Variants in FOXRED1 observed in about 807,000 individuals in gnomAD.
FOXRED1 encodes the protein FAD-dependent oxidoreductase domain-containing protein 1.
FOXRED1 carries 52 observed loss-of-function variants against 57.8 expected under a neutral mutation model. The observed-to-expected ratio is 0.90, with a 90% CI of 0.72 to 1.13. The LOEUF (loss-of-function observed/expected upper bound fraction) is 1.13. Ranked by LOEUF, FOXRED1 falls within the 50% of genes most tolerant of loss-of-function variation. FOXRED1 has a pLI of 0.00. For missense variants in FOXRED1, 589 were observed against 625.2 expected (o/e 0.94, Z 0.62); for synonymous variants, 271 against 248.3 (o/e 1.09, Z -0.86).
In FOXRED1 at chr11:126,271,897, C is replaced by T. The variant is rs988530805; in HGVS notation, c.306+240C>T. On this transcript the variant is annotated intron_variant, in intron 2 of 10. Transcript: ENST00000263578. The surrounding 1 kb of genome is among the most constrained non-coding windows in gnomAD (Gnocchi z 5.3). Reference sequence around the variant, plus strand: ...GCAGATATCACCATATTGGATTTTTCGAGATCTCATAGCTCTGGTCATGAG... The same window carrying T: ...GCAGATATCACCATATTGGATTTTTTGAGATCTCATAGCTCTGGTCATGAG... 6 of 500,540 alleles carry T rather than the reference C, an allele frequency of 1.2e-5. No homozygotes were observed. Among genetic ancestry groups the T allele is most frequent in the African/African-American group, 3.9e-5 (2 of 51,424 alleles). 31.0% of individuals were successfully genotyped at this position (500,540 alleles called of 1,614,324 possible).
In FOXRED1 at chr11:126,273,129, C is replaced by T; in HGVS notation, c.417+50C>T. ...TTGGGGTGGTTACCCCTCCTTTAGCCCAGAGTGGGGAGCAGCCCAGCTAGC... is the reference window on the plus strand; with the variant it reads ...TTGGGGTGGTTACCCCTCCTTTAGCTCAGAGTGGGGAGCAGCCCAGCTAGC... On this transcript the variant is annotated intron_variant, in intron 3 of 10. Coordinates refer to ENST00000263578, the MANE Select transcript of FOXRED1 (RefSeq NM_017547.4). The surrounding 1 kb of genome is among the most constrained non-coding windows in gnomAD (Gnocchi z 5.9). 1.7e-6 allele frequency: 2 copies of T among 1,158,902 alleles called. No individual in the cohort carries two copies. The highest frequency in any genetic ancestry group is 2.6e-6 in the Non-Finnish European group (2 of 763,914). 71.8% of individuals were successfully genotyped at this position (1,158,902 alleles called of 1,614,324 possible). A position where few individuals can be genotyped will look rare whatever the true frequency, so the allele number is the denominator to read the frequency against.
In FOXRED1 at chr11:126,271,604, C is replaced by T; in HGVS notation, c.253C>T (p.Leu85=). The change falls in exon 2 of 11, where the codon CTG becomes TTG. Residue 85 remains leucine, a synonymous_variant. Coordinates refer to ENST00000263578, the MANE Select transcript of FOXRED1 (RefSeq NM_017547.4). The surrounding 1 kb of genome is among the most constrained non-coding windows in gnomAD (Gnocchi z 5.3). ...GTCTGTGGCCTATTGGCTGAAGAAG[C>T]TGGAGAGCAGACGAGGTGCTATTCG... The part of the protein sequence containing the change: ...GLSVAYWLKK[L]ESRRGAIRVL... The T allele has an allele frequency of 6.2e-7, 1 of 1,614,144 alleles. No homozygotes were observed. The highest frequency in any genetic ancestry group is 8.5e-7 in the Non-Finnish European group (1 of 1,180,026).
rs919045176 is a variant in FOXRED1 at position 126,277,360 on chromosome 11, C to T, written c.1207-75C>T. On this transcript the variant is annotated intron_variant, in intron 10 of 10. Coordinates refer to ENST00000263578, the MANE Select transcript of FOXRED1 (RefSeq NM_017547.4). The surrounding 1 kb of genome is among the most constrained non-coding windows in gnomAD (Gnocchi z 6.8). ...AGCAGCAGGTAGAGGGTACTCTGTG[C>T]TGAGCCCTGAGGGGAGTGAGGATGG... The T allele has an allele frequency of 1.3e-6, 2 of 1,555,952 alleles. No individual in the cohort carries two copies. Among genetic ancestry groups the T allele is most frequent in the Non-Finnish European group, 1.8e-6 (2 of 1,128,962 alleles).
In FOXRED1 at chr11:126,272,989, G is replaced by C. The variant is rs185293323; in HGVS notation, c.327G>C (p.Gly109=). The C allele has an allele frequency of 1.5e-5, 24 of 1,591,036 alleles. No individual in the cohort carries two copies. The highest frequency in any genetic ancestry group is 1.3e-4 in the African/African-American group (10 of 74,608). ...RDHTYSQAST[G]LSVGGICQQF... Reference sequence around the variant, plus strand: ...CACAGTATTCACAGGCCTCCACTGGGCTCTCAGTAGGTGGGATTTGTCAGC... The same window carrying C: ...CACAGTATTCACAGGCCTCCACTGGCCTCTCAGTAGGTGGGATTTGTCAGC... The change falls in exon 3 of 11, where the codon GGG becomes GGC. Residue 109 remains glycine, a synonymous_variant. Transcript: ENST00000263578. This position sits in a 1 kb window ranked among gnomAD's most constrained non-coding sequence, Gnocchi z 4.6.
rs1343214448 is a variant in FOXRED1, at chr11:126,272,210, C to G, written c.306+553C>G. ...CTCCGAACCTCAAGTGATCTGCCCG[C>G]CTTGGCTTCTCAAAGTGCTGGGATT... On this transcript the variant is annotated intron_variant, in intron 2 of 10. Coordinates refer to ENST00000263578, the MANE Select transcript of FOXRED1 (RefSeq NM_017547.4). The surrounding 1 kb of genome is among the most constrained non-coding windows in gnomAD (Gnocchi z 4.6). 1.3e-5 allele frequency among the ~76,000 whole-genome samples: 2 copies of G among 152,204 alleles called. No homozygotes were observed. Among genetic ancestry groups the G allele is most frequent in the Non-Finnish European group, 2.9e-5 (2 of 68,040 alleles).
Position 126,273,159 on chromosome 11 carries a change from T to G in FOXRED1, c.417+80T>G. The G allele has an allele frequency of 9.8e-7, 1 of 1,016,388 alleles. No homozygotes were observed. Among genetic ancestry groups the G allele is most frequent in the East Asian group, 2.4e-5 (1 of 42,248 alleles). The allele number at this position is 1,016,388 out of a possible 1,614,324, so 63.0% of individuals were successfully genotyped here. On this transcript the variant is annotated intron_variant, in intron 3 of 10. Transcript: ENST00000263578. This position sits in a 1 kb window ranked among gnomAD's most constrained non-coding sequence, Gnocchi z 5.9. ...GTGGGGAGCAGCCCAGCTAGCAAGGTAGCCAGAGAGCAAGAATGGGTCAGC... is the reference window on the plus strand; with the variant it reads ...GTGGGGAGCAGCCCAGCTAGCAAGGGAGCCAGAGAGCAAGAATGGGTCAGC...
At chr11:126,276,927 G>C (rs1258972794) in intron 9 of FOXRED1, 144 bp from the exon 10 acceptor site, 2 of 715,384 alleles carry the variant, frequency 2.8e-6, no homozygotes, top group Middle Eastern at 4.7e-4. Flanking sequence ...GCTGTGTGCT[G>C]TGTTAATTGA....
In FOXRED1 at chr11:126,276,193, C is replaced by T. The variant is rs779980682; in HGVS notation, c.945C>T (p.Thr315=). The T allele has an allele frequency of 1.5e-5, 24 of 1,593,694 alleles. No individual in the cohort carries two copies. Among genetic ancestry groups the T allele is most frequent in the Non-Finnish European group, 1.8e-5 (21 of 1,172,846 alleles). Residue 315 remains threonine (T), a synonymous_variant, in exon 8 of 11, where the codon ACC becomes ACT. Coordinates refer to ENST00000263578, the MANE Select transcript of FOXRED1 (RefSeq NM_017547.4). The part of the protein sequence containing the change: ...GEGPPGTLQG[T]KLPVEPRKRY... ...GGCCGCCTGGCACCCTGCAGGGCAC[C>T]AAGCTACCTGTGGAGCCGAGGAAAA...
Position 126,273,249 on chromosome 11 carries a change from CCTGGGGAG to C in FOXRED1, c.418-83_418-76del. ...GGTGCCGCAGGTCTGGGGCACTGAG[CCTGGGGAG>C]CTGTGGGGGAAGAAGGCAGGAAAAC... is the stretch of plus-strand genomic sequence containing the variant. On this transcript the variant is annotated intron_variant, in intron 3 of 10. Coordinates refer to ENST00000263578, the MANE Select transcript of FOXRED1 (RefSeq NM_017547.4). The surrounding 1 kb of genome is among the most constrained non-coding windows in gnomAD (Gnocchi z 5.9). The C allele has an allele frequency of 9.0e-7, 1 of 1,114,270 alleles. No individual in the cohort carries two copies. The highest frequency in any genetic ancestry group is 2.3e-5 in the East Asian group (1 of 42,602). The allele number at this position is 1,114,270 out of a possible 1,614,324, so 69.0% of individuals were successfully genotyped here. A position where few individuals can be genotyped will look rare whatever the true frequency, so the allele number is the denominator to read the frequency against.
intron 9 of FOXRED1, 199 bp from the exon 10 acceptor site, chr11:126,276,872 A>T: frequency 3.6e-6 from 2 of 556,884 alleles, no homozygotes; most frequent in Admixed American, 3.1e-5. Flanking sequence ...GCAAAACTCC[A>T]TCTCAAAAAA....
At position 126,269,167 on chromosome 11, in the gene FOXRED1, C is replaced by T. The variant is rs781500229; in HGVS notation, c.-40C>T. 8 of 1,450,174 alleles carry T rather than the reference C, an allele frequency of 5.5e-6. No homozygotes were observed. Among genetic ancestry groups the T allele is most frequent in the Non-Finnish European group, 7.8e-6 (8 of 1,031,750 alleles). The allele number at this position is 1,450,174 out of a possible 1,614,324, so 89.8% of individuals were successfully genotyped here. ...AGTGACGGCTGCGATAATAGCGAGGCAGCAGTGCAGCTTTCAGAGGGTCCG... is the reference window on the plus strand; with the variant it reads ...AGTGACGGCTGCGATAATAGCGAGGTAGCAGTGCAGCTTTCAGAGGGTCCG... On this transcript the variant is annotated 5_prime_UTR_variant, in exon 1 of 11. Transcript: ENST00000263578.
chr11:126,273,107 G>A lies in FOXRED1; in HGVS notation c.417+28G>A. The A allele has an allele frequency of 7.6e-7, 1 of 1,311,850 alleles. No individual in the cohort carries two copies. 81.3% of individuals were successfully genotyped at this position (1,311,850 alleles called of 1,614,324 possible). A position where few individuals can be genotyped will look rare whatever the true frequency, so the allele number is the denominator to read the frequency against. ...AGGTGCAATGATATCCGGGATGTTG[G>A]GGTGGTTACCCCTCCTTTAGCCCAG... On this transcript the variant is annotated intron_variant, in intron 3 of 10. Transcript: ENST00000263578. This position sits in a 1 kb window ranked among gnomAD's most constrained non-coding sequence, Gnocchi z 5.9.
In FOXRED1 at chr11:126,276,091, T is replaced by C; in HGVS notation, c.843T>C (p.Pro281=). The C allele has an allele frequency of 1.9e-6, 3 of 1,612,798 alleles. No homozygotes were observed. The highest frequency in any genetic ancestry group is 2.5e-6 in the Non-Finnish European group (3 of 1,179,982). Residue 281 remains proline, a synonymous_variant, in exon 8 of 11, where the codon CCT becomes CCC. Coordinates refer to ENST00000263578, the MANE Select transcript of FOXRED1 (RefSeq NM_017547.4). ...TGGACCGCAGCCTGGAGTACCAGCC[T>C]GTGGAATGCGCCATTGTGATCAACG... ...VKMDRSLEYQ[P]VECAIVINAA...
chr11:126,274,493 C>G lies in FOXRED1; in HGVS notation c.537-434C>G, dbSNP rs996276770. On this transcript the variant is annotated intron_variant, in intron 4 of 10. Coordinates refer to ENST00000263578, the MANE Select transcript of FOXRED1 (RefSeq NM_017547.4). The surrounding 1 kb of genome is among the most constrained non-coding windows in gnomAD (Gnocchi z 4.8). ...TGAAACCTCATCTCTACTAAAAATA[C>G]AAAAATTAGCTGGGTGTGGTGGCGT... is the stretch of plus-strand genomic sequence containing the variant. The G allele has an allele frequency of 1.7e-5, 4 of 233,142 alleles. No individual in the cohort carries two copies. Among genetic ancestry groups the G allele is most frequent in the Non-Finnish European group, 3.5e-5 (4 of 114,974 alleles). The allele number at this position is 233,142 out of a possible 1,614,324, so 14.4% of individuals were successfully genotyped here.
rs1177132557 is a variant in FOXRED1 at position 126,274,140 on chromosome 11, G to A, written c.536+686G>A. The A allele has an allele frequency of 6.3e-6, 1 of 157,642 alleles. No individual in the cohort carries two copies. Among genetic ancestry groups the A allele is most frequent in the Non-Finnish European group, 1.4e-5 (1 of 71,116 alleles). The allele number at this position is 157,642 out of a possible 1,614,324, so 9.8% of individuals were successfully genotyped here. On this transcript the variant is annotated intron_variant, in intron 4 of 10. Coordinates refer to ENST00000263578, the MANE Select transcript of FOXRED1 (RefSeq NM_017547.4). This position sits in a 1 kb window ranked among gnomAD's most constrained non-coding sequence, Gnocchi z 4.8. The stretch of plus-strand genomic sequence containing the variant: ...TCCCCATTTTACATATGAGGAAACT[G>A]AGGCATAAGGCGCTAGTAAGTGGTG...
At chr11:126,276,905 C>CT (rs1477710478) in intron 9 of FOXRED1, 166 bp from the exon 10 acceptor site, 5 of 640,424 alleles carry the variant, frequency 7.8e-6, no homozygotes, top group Non-Finnish European at 1.4e-5. Context: ...AAGAATCAGC[C>CT]TTTTTTGGGG....
Position 126,272,896 on chromosome 11 carries a change from A to G in FOXRED1, c.307-73A>G. On this transcript the variant is annotated intron_variant, in intron 2 of 10. Coordinates refer to ENST00000263578, the MANE Select transcript of FOXRED1 (RefSeq NM_017547.4). The surrounding 1 kb of genome is among the most constrained non-coding windows in gnomAD (Gnocchi z 4.6). ...CTTCAACTTTAGGTGTATAGCTCGA[A>G]GCTTTCATTGCAGTATTCTAGTCAC... 1 of 822,206 alleles carries G rather than the reference A, an allele frequency of 1.2e-6. No homozygotes were observed. The highest frequency in any genetic ancestry group is 1.3e-5 in the South Asian group (1 of 75,082). The allele number at this position is 822,206 out of a possible 1,614,324, so 50.9% of individuals were successfully genotyped here.
Position 126,275,354 on chromosome 11 carries a change from C to A in FOXRED1, c.659C>A (p.Pro220His). 6.2e-7 allele frequency: 1 copy of A among 1,613,860 alleles called. No individual in the cohort carries two copies. The highest frequency in any genetic ancestry group is 1.1e-5 in the South Asian group (1 of 91,080). ...ATGGAGGACGAAGGTTGGTTTGACC[C>A]CTGGTGTCTGCTCCAGGGGCTTCGG... ...YGMEDEGWFD[P>H]WCLLQGLRRK... Residue 220 changes from proline to histidine, a missense_variant, in exon 6 of 11, where the codon CCC (proline) becomes CAC (histidine). Coordinates refer to ENST00000263578, the MANE Select transcript of FOXRED1 (RefSeq NM_017547.4). The surrounding 1 kb of genome is among the most constrained non-coding windows in gnomAD (Gnocchi z 5.9).
In FOXRED1 at chr11:126,269,418, T is replaced by A. The variant is rs1786703; in HGVS notation, c.85+127T>A. ...AGTGGGTCGGCTTGGGGAAGGGGGTTAGCTTACCTACCAGAGCTTGTAGGG... is the reference window on the plus strand; with the variant it reads ...AGTGGGTCGGCTTGGGGAAGGGGGTAAGCTTACCTACCAGAGCTTGTAGGG... On this transcript the variant is annotated intron_variant, in intron 1 of 10. Coordinates refer to ENST00000263578, the MANE Select transcript of FOXRED1 (RefSeq NM_017547.4). 1,207,956 of 1,565,590 alleles carry A rather than the reference T, an allele frequency of 0.77. 469,991 individuals are homozygous for A. The highest frequency in any genetic ancestry group is 1 in the East Asian group (42,250 of 42,300).
Sources: allele counts gnomAD v4.1 joint callset (sites outside exome capture counted in the v4.1 genomes callset), GRCh38; gene constraint gnomAD v4.1.1; non-coding constraint Gnocchi (gnomAD v3.1); transcripts MANE v1.5; gene names NCBI Gene and HGNC (gene_info 2026-07-23, HGNC 2026-07-21).